Variants in SLC36A1 observed in about 807,000 individuals in gnomAD.
SLC36A1 encodes solute carrier family 36 member 1.
Under a neutral mutation model 47.5 loss-of-function variants are expected in SLC36A1, and 30 were observed. The observed-to-expected ratio is 0.63, with a 90% CI of 0.47 to 0.86. The LOEUF is 0.86. Ranked by LOEUF, SLC36A1 falls within the 40% of genes least tolerant of loss-of-function variation. The pLI is 0.00. For synonymous variants in SLC36A1, 255 were observed against 249.7 expected, an observed-to-expected ratio of 1.02 and a Z score of -0.20; for missense variants, 517 against 606.0, an observed-to-expected ratio of 0.85 and a Z score of 1.54.
At chr5:151,347,619 G>A in the SLC36A1 span, 5 of 771,866 alleles carry the variant, frequency 6.5e-6, no homozygotes, top group Non-Finnish European at 1.1e-5. Context: ...CCTCCCTGGA[G>A]GGCACCTCTT....
At chr5:151,381,775 C>T in the SLC36A1 span, among the ~76,000 whole-genome samples, 1 of 152,188 alleles carries the variant, frequency 6.6e-6, no homozygotes, top group African/African-American at 2.4e-5. Flanking sequence ...CCAATCAGCA[C>T]TCCTGGCTCA....
At chr5:151,534,156 A>C in the SLC36A1 span, among the ~76,000 whole-genome samples, 1 of 152,220 alleles carries the variant, frequency 6.6e-6, no homozygotes, top group African/African-American at 2.4e-5. Flanking sequence ...AAAAGTCCCC[A>C]GGTCTAAGTG....
At chr5:151,534,685 T>C in the SLC36A1 span, 27 of 1,541,714 alleles carry the variant, frequency 1.8e-5, no homozygotes, top group Non-Finnish European at 2.3e-5. Context: ...TCTGGGGAAA[T>C]ATTACCCAAG....
At chr5:151,356,339 C>CAAAAAAAAAAACAAAAAA in the SLC36A1 span, among the ~76,000 whole-genome samples, 1 of 51,314 alleles carries the variant, frequency 1.9e-5, no homozygotes, top group Non-Finnish European at 4.2e-5. Context: ...CTCTGTCTCA[C>CAAAAAAAAAAACAAAAAA]AAAAAAAAAA....
the SLC36A1 span, among the ~76,000 whole-genome samples, chr5:151,518,775 T>G: frequency 2.0e-5 from 3 of 152,346 alleles, no homozygotes; most frequent in East Asian, 5.8e-4. Context: ...GGGACACTCT[T>G]ATGTGGACCA....
At chr5:151,531,367 G>A in the SLC36A1 span, among the ~76,000 whole-genome samples, 1 of 152,182 alleles carries the variant, frequency 6.6e-6, no homozygotes, top group Non-Finnish European at 1.5e-5. This position sits in a 1 kb window ranked among gnomAD's most constrained non-coding sequence, Gnocchi z 5.7. Context: ...GGCTGCGGAC[G>A]TGGGAGGGTC....
chr5:151,546,127 A>C, the SLC36A1 span: 53 of 1,614,068 alleles, frequency 3.3e-5, 1 homozygote, highest in South Asian at 5.6e-4. Context: ...AGGGATCTCT[A>C]CAAAGTACTC....
the SLC36A1 span, among the ~76,000 whole-genome samples, chr5:151,430,731 G>T: frequency 6.6e-6 from 1 of 152,166 alleles, no homozygotes; most frequent in Non-Finnish European, 1.5e-5. Context: ...CAATACCATT[G>T]TTACTATTCT....
rs905486562 is a variant in SLC36A1 at position 151,488,340 on chromosome 5, C to T, written c.*86C>T. The stretch of plus-strand genomic sequence containing the variant: ...CTCAGAGCCTCAGGTATGGTCCAGG[C>T]TCTGAGGAAAGTCAGGGTTGCTGTG... On this transcript the variant is annotated 3_prime_UTR_variant, in exon 11 of 11. Coordinates refer to ENST00000243389, the MANE Select transcript of SLC36A1 (RefSeq NM_078483.4). 1.3e-6 allele frequency: 2 copies of T among 1,505,410 alleles called. No individual in the cohort carries two copies. The allele number at this position is 1,505,410 out of a possible 1,614,324, so 93.3% of individuals were successfully genotyped here. A position where few individuals can be genotyped will look rare whatever the true frequency, so the allele number is the denominator to read the frequency against.
the SLC36A1 span, among the ~76,000 whole-genome samples, chr5:151,502,577 G>A: frequency 2.0e-5 from 3 of 148,000 alleles, no homozygotes; most frequent in South Asian, 6.2e-4. Context: ...TCAGGGAAAT[G>A]CAAAATTAAG....
At chr5:151,502,034 A>G in the SLC36A1 span, among the ~76,000 whole-genome samples, 1 of 148,454 alleles carries the variant, frequency 6.7e-6, no homozygotes, top group African/African-American at 2.6e-5. Context: ...CGAGTAGGGC[A>G]GGTGCGGTGG....
downstream of SLC36A1, among the ~76,000 whole-genome samples, chr5:151,495,584 G>A (rs901052877): frequency 6.6e-6 from 1 of 151,998 alleles, no homozygotes; most frequent in Admixed American, 6.5e-5. Context: ...GAGTAGCTTT[G>A]TATACACCAC....
the SLC36A1 span, among the ~76,000 whole-genome samples, chr5:151,370,107 C>G: frequency 6.6e-6 from 1 of 152,156 alleles, no homozygotes; most frequent in Non-Finnish European, 1.5e-5. Context: ...GGCCTTATTT[C>G]TCATTTTAAA....
chr5:151,507,500 C>T, the SLC36A1 span: 45 of 1,613,994 alleles, frequency 2.8e-5, no homozygotes, highest in South Asian at 7.7e-5. Flanking sequence ...TGATAATGAA[C>T]GCCACGGCCA....
the SLC36A1 span, among the ~76,000 whole-genome samples, chr5:151,427,061 A>G: frequency 2.6e-5 from 4 of 152,196 alleles, no homozygotes; most frequent in African/African-American, 9.7e-5. Context: ...TTCTTAGTAC[A>G]TGAACAAAAT....
At chr5:151,464,483 T>C in intron 3 of SLC36A1, 31 bp from the exon 4 acceptor site, 1 of 1,589,858 alleles carries the variant, frequency 6.3e-7, no homozygotes, top group Non-Finnish European at 8.6e-7. Flanking sequence ...TACTTTTCTC[T>C]CTCTCTTTTG....
the SLC36A1 span, among the ~76,000 whole-genome samples, chr5:151,382,627 G>C: frequency 2.6e-5 from 4 of 152,118 alleles, no homozygotes; most frequent in African/African-American, 9.7e-5. Flanking sequence ...TGTGCATGTG[G>C]GCACATGTGC....
At position 151,458,311 on chromosome 5, in the gene SLC36A1, C is replaced by CGTGT. The variant is rs1491554377; in HGVS notation, c.-5-475_-5-474insGTGT. Among the ~76,000 whole-genome samples, 418 of 43,842 alleles carry CGTGT rather than the reference C, an allele frequency of 9.5e-3. 4 individuals carry two copies. The highest frequency in any genetic ancestry group is 0.064 in the South Asian group (52 of 816). The allele number at this position is 43,842 out of a possible 152,430, so 28.8% of individuals were successfully genotyped here. The stretch of plus-strand genomic sequence containing the variant: ...ATATATATACATACACGTGTATATA[C>CGTGT]GTATATATATATATATATATATGGG... On this transcript the variant is annotated intron_variant, in intron 1 of 10. Coordinates refer to ENST00000243389, the MANE Select transcript of SLC36A1 (RefSeq NM_078483.4).
At chr5:151,554,884 A>C in the SLC36A1 span, among the ~76,000 whole-genome samples, 1 of 152,276 alleles carries the variant, frequency 6.6e-6, no homozygotes, top group African/African-American at 2.4e-5. Context: ...AAGAACTGGA[A>C]GAAGACAGAG....
Sources: allele counts gnomAD v4.1 joint callset (sites outside exome capture counted in the v4.1 genomes callset), GRCh38; gene constraint gnomAD v4.1.1; non-coding constraint Gnocchi (gnomAD v3.1); transcripts MANE v1.5; gene names NCBI Gene and HGNC (gene_info 2026-07-23, HGNC 2026-07-21).